The following LSM14B variants were observed in gnomAD, a reference collection of about 807,000 sequenced individuals.
The protein encoded by LSM14B is protein LSM14 homolog B.
A neutral mutation model predicts 42.1 loss-of-function variants in LSM14B; 8 were observed. The observed-to-expected ratio is 0.19, with a 90% CI of 0.11 to 0.34. The LOEUF (loss-of-function observed/expected upper bound fraction) is 0.34, where lower values mean the gene tolerates loss of function less well. Ranked by LOEUF, LSM14B falls within the 10% of genes least tolerant of loss-of-function variation. The pLI, the probability that LSM14B is intolerant of heterozygous loss-of-function variation, is 1.00. For missense variants in LSM14B, 396 were observed against 513.1 expected (o/e 0.77, Z 2.21); for synonymous variants, 219 against 209.7 (o/e 1.04, Z -0.38).
intron 3 of LSM14B, among the ~76,000 whole-genome samples, chr20:62,128,329 C>T (rs1380189693): frequency 1.3e-5 from 2 of 152,214 alleles, no homozygotes; most frequent in South Asian, 2.1e-4. Context: ...GTTTGTGTTA[C>T]ACATAGCACC....
chr20:62,124,863 G>A (rs1301704496), intron 2 of LSM14B, 83 bp downstream of exon 2: 14 of 1,386,386 alleles, frequency 1.0e-5, no homozygotes, highest in Middle Eastern at 2.2e-4. Flanking sequence ...TGGTCAGAAC[G>A]CTCAATGTGA....
At chr20:62,132,964 C>T (rs1421219851) in intron 7 of LSM14B, among the ~76,000 whole-genome samples, 1 of 152,206 alleles carries the variant, frequency 6.6e-6, no homozygotes, top group Non-Finnish European at 1.5e-5. Flanking sequence ...TCCTGGGCCC[C>T]TGGGCCTCCC....
rs780878614 is a variant in LSM14B, at chr20:62,122,771, C to T, written c.105C>T (p.Asn35=). 20 of 1,509,976 alleles carry T rather than the reference C, an allele frequency of 1.3e-5. No individual in the cohort carries two copies. Among genetic ancestry groups the T allele is most frequent in the Non-Finnish European group, 1.8e-6 (2 of 1,123,740 alleles). 93.5% of individuals were successfully genotyped at this position (1,509,976 alleles called of 1,614,324 possible). A position where few individuals can be genotyped will look rare whatever the true frequency, so the allele number is the denominator to read the frequency against. Residue 35 remains asparagine, a synonymous_variant, in exon 1 of 9, where the codon AAC becomes AAT. Transcript: ENST00000279068. The surrounding 1 kb of genome is among the most constrained non-coding windows in gnomAD (Gnocchi z 4.6). The part of the protein sequence containing the change: ...EGILYTIDTD[N]STVALAKVRS... ...TTCTCTACACCATCGACACCGACAA[C>T]TCCACCGTGGCGCTCGCCAAAGGTA...
intron 3 of LSM14B, chr20:62,127,510 G>C: frequency 9.4e-7 from 1 of 1,061,980 alleles, no homozygotes. Flanking sequence ...TTCCAAGCTT[G>C]CTAGACACAA....
chr20:62,124,013 A>G (rs556611854), intron 1 of LSM14B, among the ~76,000 whole-genome samples: 3 of 152,232 alleles, frequency 2.0e-5, no homozygotes, highest in Non-Finnish European at 4.4e-5. Context: ...CTTGCTAGAA[A>G]GAGACTTGGG....
rs1449340302 is a variant in LSM14B at position 62,130,772 on chromosome 20, G to C, written c.835+81G>C. On this transcript the variant is annotated intron_variant, in intron 6 of 8. Transcript: ENST00000279068. This position sits in a 1 kb window ranked among gnomAD's most constrained non-coding sequence, Gnocchi z 4.1. Reference sequence around the variant, plus strand: ...TAGGAGGAGATGCCTGGCCGGGTGTGGTGGTTCACGCCTGTAATCTCAGCA... The same window carrying C: ...TAGGAGGAGATGCCTGGCCGGGTGTCGTGGTTCACGCCTGTAATCTCAGCA... 1.3e-5 allele frequency: 18 copies of C among 1,434,570 alleles called. No homozygotes were observed. The highest frequency in any genetic ancestry group is 1.7e-5 in the Non-Finnish European group (18 of 1,060,486). The allele number at this position is 1,434,570 out of a possible 1,614,324, so 88.9% of individuals were successfully genotyped here.
At position 62,130,098 on chromosome 20, in the gene LSM14B, C is replaced by T. The variant is rs1600938044; in HGVS notation, c.596-121C>T. 8 of 1,447,280 alleles carry T rather than the reference C, an allele frequency of 5.5e-6. No individual in the cohort carries two copies. The East Asian group carries it at 2.0e-4, about 36-fold the overall frequency. The allele number at this position is 1,447,280 out of a possible 1,614,324, so 89.7% of individuals were successfully genotyped here. Reference sequence around the variant, plus strand: ...GCTTTTGCAGGGCAGGCCTGTGCAGCAGCCTCCTGCGGTGCCGCCCTGGCC... The same window carrying T: ...GCTTTTGCAGGGCAGGCCTGTGCAGTAGCCTCCTGCGGTGCCGCCCTGGCC... On this transcript the variant is annotated intron_variant, in intron 4 of 8. Transcript: ENST00000279068. This position sits in a 1 kb window ranked among gnomAD's most constrained non-coding sequence, Gnocchi z 4.1.
rs1018337894 is a variant in LSM14B, at chr20:62,130,024, T to A, written c.595+72T>A. The A allele has an allele frequency of 4.7e-5, 69 of 1,466,062 alleles. No individual in the cohort carries two copies. The highest frequency in any genetic ancestry group is 6.0e-5 in the Non-Finnish European group (66 of 1,105,526). 90.8% of individuals were successfully genotyped at this position (1,466,062 alleles called of 1,614,324 possible). On this transcript the variant is annotated intron_variant, in intron 4 of 8. Transcript: ENST00000279068. The surrounding 1 kb of genome is among the most constrained non-coding windows in gnomAD (Gnocchi z 4.1). Reference sequence around the variant, plus strand: ...TGGCACACTACTTCCTGGGCTATTTTTTTTTTTTTAATTAAAAAAATACTA... The same window carrying A: ...TGGCACACTACTTCCTGGGCTATTTATTTTTTTTTAATTAAAAAAATACTA...
At chr20:62,133,125 C>T (rs2056814159) in intron 7 of LSM14B, among the ~76,000 whole-genome samples, 165 bp from the exon 8 acceptor site, 1 of 152,196 alleles carries the variant, frequency 6.6e-6, no homozygotes, top group Non-Finnish European at 1.5e-5. Flanking sequence ...TGGCAGGGAG[C>T]ACCTGCAGTG....
chr20:62,128,969 C>T, intron 3 of LSM14B: 2 of 1,304,226 alleles, frequency 1.5e-6, no homozygotes, highest in South Asian at 1.2e-5. Context: ...CACCCAGTCC[C>T]ACATTGTCCT....
chr20:62,126,390 G>T lies in LSM14B; in HGVS notation c.378G>T (p.Leu126=). 6.2e-7 allele frequency: 1 copy of T among 1,612,058 alleles called. No homozygotes were observed. The highest frequency in any genetic ancestry group is 8.5e-7 in the Non-Finnish European group (1 of 1,179,858). The change falls in exon 3 of 9, where the codon CTG becomes CTT. Residue 126 remains leucine, a synonymous_variant. Transcript: ENST00000279068. ...PFRGMAPYGP[L]AASSLLSQQY... ...GAGGGATGGCGCCCTACGGCCCGCT[G>T]GCGGCCAGCTCCCTGCTCAGCCAGC...
chr20:62,129,193 A>G (rs1052643707), intron 3 of LSM14B, among the ~76,000 whole-genome samples: 10 of 152,184 alleles, frequency 6.6e-5, no homozygotes, highest in African/African-American at 2.4e-4. Context: ...TGCCCTTGAG[A>G]GAAGTGTAGG....
In LSM14B at chr20:62,124,647, C is replaced by T; in HGVS notation, c.158C>T (p.Thr53Ile). 1.2e-6 allele frequency: 2 copies of T among 1,613,936 alleles called. No homozygotes were observed. The highest frequency in any genetic ancestry group is 2.2e-5 in the South Asian group (2 of 91,086). ...TCCTTTGGCACTGAAGACCGTCCCA[C>T]AGATAGGCCTGCGCCCCCCAGAGAG... ...VRSFGTEDRP[T>I]DRPAPPREEI... is the part of the protein sequence containing the mutation. The change falls in exon 2 of 9, where the codon ACA (threonine) becomes ATA (isoleucine). Residue 53 changes from threonine (T) to isoleucine (I), a missense_variant. Thr to Ile is a moderately conservative substitution (Grantham distance 89). Around this residue, in one of 3 missense-constraint regions of LSM14B, gnomAD observed 274 missense variants for 335.8 expected, o/e 0.82. Coordinates refer to ENST00000279068, the MANE Select transcript of LSM14B (RefSeq NM_144703.3).
rs184612187 is a variant in LSM14B at position 62,133,616 on chromosome 20, C to T, written c.*14+141C>T. On this transcript the variant is annotated intron_variant, in intron 8 of 8. Transcript: ENST00000279068. ...GGTGTCAAAGCCAAACCGAGGGCCT[C>T]GACCCTATGAGTCACCCGGGAGGCT... 1.8e-4 allele frequency: 173 copies of T among 964,464 alleles called. 1 individual carries two copies. The East Asian group carries it at 4.1e-3, about 23-fold the overall frequency. 59.7% of individuals were successfully genotyped at this position (964,464 alleles called of 1,614,324 possible).
chr20:62,133,322 A>C lies in LSM14B; in HGVS notation c.1019A>C (p.Lys340Thr). 6.2e-7 allele frequency: 1 copy of C among 1,613,454 alleles called. No homozygotes were observed. The highest frequency in any genetic ancestry group is 8.5e-7 in the Non-Finnish European group (1 of 1,179,628). The change falls in exon 8 of 9, where the codon AAG (lysine) becomes ACG (threonine). Residue 340 changes from lysine (K) to threonine (T), a missense_variant. Around this residue, in one of 3 missense-constraint regions of LSM14B, gnomAD observed 118 missense variants for 156.4 expected, o/e 0.75. Transcript: ENST00000279068. ...SRRTTWAEER[K>T]LNTETFGVSG... ...CGGACGACGTGGGCCGAAGAGAGGA[A>C]GCTCAACACAGAGACCTTTGGGGTG...
At chr20:62,125,639 A>G (rs923985384) in intron 2 of LSM14B, among the ~76,000 whole-genome samples, 12 of 152,222 alleles carry the variant, frequency 7.9e-5, no homozygotes, top group Non-Finnish European at 1.8e-4. Context: ...CTAAATTTAA[A>G]TATTCACTAG....
At chr20:62,126,523 T>A in intron 3 of LSM14B, 84 bp downstream of exon 3, 1 of 1,518,598 alleles carries the variant, frequency 6.6e-7, no homozygotes, top group Non-Finnish European at 8.9e-7. Flanking sequence ...GGTGGGGATA[T>A]GCATTCCTGT....
intron 1 of LSM14B, among the ~76,000 whole-genome samples, chr20:62,123,630 A>G (rs200599389): frequency 1.3e-5 from 2 of 152,338 alleles, no homozygotes; most frequent in East Asian, 1.9e-4. Context: ...CCTGCCTCTC[A>G]GAGAAAAGTG....
rs1171796832 is a variant in LSM14B at position 62,134,152 on chromosome 20, A to G, written c.*15-11A>G. The stretch of plus-strand genomic sequence containing the variant: ...CCCAGCAGATGCTTGACTTCCTGTC[A>G]TCTCTTGCAGGCTCCTACTGAAGTG... On this transcript the variant is annotated splice_polypyrimidine_tract_variant and intron_variant, in intron 8 of 8. Transcript: ENST00000279068. 13 of 448,598 alleles carry G rather than the reference A, an allele frequency of 2.9e-5. No individual in the cohort carries two copies. The highest frequency in any genetic ancestry group is 1.8e-4 in the Admixed American group (7 of 38,970). The allele number at this position is 448,598 out of a possible 1,614,324, so 27.8% of individuals were successfully genotyped here. A position where few individuals can be genotyped will look rare whatever the true frequency, so the allele number is the denominator to read the frequency against.
Sources: allele counts gnomAD v4.1 joint callset (sites outside exome capture counted in the v4.1 genomes callset), GRCh38; gene constraint gnomAD v4.1.1; regional missense constraint gnomAD v4.1.1; non-coding constraint Gnocchi (gnomAD v3.1); transcripts MANE v1.5; gene names NCBI Gene and HGNC (gene_info 2026-07-23, HGNC 2026-07-21).